CHSY1: variants seen among roughly 807,000 people sequenced by gnomAD.
The protein encoded by CHSY1 is N-acetylgalactosaminyl-proteoglycan 3-beta-glucuronosyltransferase 1.
In CHSY1, 13 loss-of-function variants were observed where a neutral mutation model predicts 59.8. The ratio of observed to expected loss-of-function variants is 0.22; its 90% confidence interval spans 0.14 to 0.35. The LOEUF (loss-of-function observed/expected upper bound fraction) is 0.35. Among genes scored for constraint, CHSY1 ranks in the 10% least tolerant of loss-of-function variants. The pLI is 1.00. For missense variants in CHSY1, 947 were observed against 1,030.6 expected, an observed-to-expected ratio of 0.92 and a Z score of 1.11; for synonymous variants, 459 against 401.2, an observed-to-expected ratio of 1.14 and a Z score of -1.72.
intron 2 of CHSY1, among the ~76,000 whole-genome samples, chr15:101,200,390 G>A (rs2038561143): frequency 6.6e-6 from 1 of 152,182 alleles, no homozygotes; most frequent in South Asian, 2.1e-4. Context: ...GCTTCTCACA[G>A]GCTGTGTCCT....
In CHSY1 at chr15:101,177,468, G is replaced by A; in HGVS notation, c.2329C>T (p.Leu777=). 1 of 1,613,220 alleles carries A rather than the reference G, an allele frequency of 6.2e-7. No individual in the cohort carries two copies. Among genetic ancestry groups the A allele is most frequent in the African/African-American group, 1.3e-5 (1 of 74,996 alleles). ...TTTTTTTCCAGCCACATCTCAGCCA[G>A]CTGCTGGGTGGACCCATAGGTCGAT... ...KASTYGSTQQ[L]AEMWLEKNDP... Residue 777 remains leucine, a synonymous_variant, in exon 3 of 3, where the codon CTG becomes TTG. Coordinates refer to ENST00000254190, the MANE Select transcript of CHSY1 (RefSeq NM_014918.5).
At chr15:101,180,498 G>C (rs1172494805) in intron 2 of CHSY1, among the ~76,000 whole-genome samples, 1 of 152,158 alleles carries the variant, frequency 6.6e-6, no homozygotes, top group Non-Finnish European at 1.5e-5. Flanking sequence ...AGGAAGCAGG[G>C]CCTCCCTAGG....
Position 101,177,419 on chromosome 15 carries a change from C to T in CHSY1, c.2378G>A (p.Ser793Asn). 1 of 1,613,316 alleles carries T rather than the reference C, an allele frequency of 6.2e-7. No individual in the cohort carries two copies. The highest frequency in any genetic ancestry group is 8.5e-7 in the Non-Finnish European group (1 of 1,179,748). The change falls in exon 3 of 3, where the codon AGC becomes AAC. Residue 793 changes from serine (S) to asparagine (N), a missense_variant. Physicochemically the swap from Ser to Asn is conservative, Grantham distance 46 (BLOSUM62 1). Transcript: ENST00000254190. The part of the protein sequence containing the change: ...EKNDPSYSKS[S>N]NNNGSVRTA ...TGTCCTCACTGAGCCATTATTATTG[C>T]TGCTTTTACTGTAACTTGGATCATT...
chr15:101,251,623 C>G lies in CHSY1; in HGVS notation c.-167G>C, dbSNP rs1053883048. 4.8e-5 allele frequency: 7 copies of G among 146,136 alleles called. No individual in the cohort carries two copies. Among genetic ancestry groups the G allele is most frequent in the Non-Finnish European group, 6.1e-5 (4 of 65,918 alleles). 9.1% of individuals were successfully genotyped at this position (146,136 alleles called of 1,614,324 possible). On this transcript the variant is annotated 5_prime_UTR_variant, in exon 1 of 3. Coordinates refer to ENST00000254190, the MANE Select transcript of CHSY1 (RefSeq NM_014918.5). Reference sequence around the variant, plus strand: ...CCCATCGCGGCCCCCGAGCCGCCCGCAGGCCCCGCGCCGGCGCTTTGTTCC... The same window carrying G: ...CCCATCGCGGCCCCCGAGCCGCCCGGAGGCCCCGCGCCGGCGCTTTGTTCC...
At position 101,178,447 on chromosome 15, in the gene CHSY1, G is replaced by C. The variant is rs2038227843; in HGVS notation, c.1350C>G (p.Asp450Glu). Residue 450 changes from aspartate (D) to glutamate (E), a missense_variant, in exon 3 of 3, where the codon GAC (aspartate) becomes GAG (glutamate). By Grantham distance (45) the Asp-to-Glu change is conservative. This residue lies in a region of CHSY1 where 602 missense variants were observed against 676.9 expected (regional missense o/e 0.89). Transcript: ENST00000254190. ...TGTGCTTTTTGTACAGAAGCAGCAG[G>C]TCCAGGATGTACTCAGCCCCATACA... is the stretch of plus-strand genomic sequence containing the variant. Reference protein sequence around the residue: ...NPMYGAEYILDLLLLYKKHKG... With the variant: ...NPMYGAEYILELLLLYKKHKG... The C allele has an allele frequency of 6.2e-7, 1 of 1,614,088 alleles. No homozygotes were observed. The highest frequency in any genetic ancestry group is 8.5e-7 in the Non-Finnish European group (1 of 1,180,038).
chr15:101,180,734 C>T (rs998597429), intron 2 of CHSY1, among the ~76,000 whole-genome samples: 5 of 152,198 alleles, frequency 3.3e-5, no homozygotes, highest in Admixed American at 2.6e-4. Context: ...CCCTGATGGG[C>T]GGGCCAGATA....
chr15:101,178,498 C>G lies in CHSY1; in HGVS notation c.1299G>C (p.Gln433His). 1.2e-6 allele frequency: 2 copies of G among 1,614,246 alleles called. No individual in the cohort carries two copies. Among genetic ancestry groups the G allele is most frequent in the Middle Eastern group, 1.6e-4 (1 of 6,062 alleles). ...RGRIIDFKEI[Q>H]YGYRRVNPMY... is the part of the protein sequence containing the mutation. ...TGGGGTTCACCCGGCGGTAGCCGTA[C>G]TGGATCTCTTTGAAGTCAATGATGC... The change falls in exon 3 of 3, where the codon CAG (glutamine) becomes CAC (histidine). Residue 433 changes from glutamine to histidine, a missense_variant. Around this residue, in one of 4 missense-constraint regions of CHSY1, gnomAD observed 602 missense variants for 676.9 expected, o/e 0.89. Coordinates refer to ENST00000254190, the MANE Select transcript of CHSY1 (RefSeq NM_014918.5).
rs145660234 is a variant in CHSY1, at chr15:101,235,142, G to A, written c.756C>T (p.Asp252=). 2.8e-5 allele frequency: 45 copies of A among 1,613,982 alleles called. No homozygotes were observed. The highest frequency in any genetic ancestry group is 3.6e-5 in the Non-Finnish European group (42 of 1,180,004). ...TCCGGACACACCTTCCCACCTCCAC[G>A]TCCTCATGGGTGGTGTACATCTCCC... The part of the protein sequence containing the change: ...CLREMYTTHE[D]VEVGRCVRRF... Residue 252 remains aspartate (D), a synonymous_variant, in exon 2 of 3, where the codon GAC becomes GAT. Transcript: ENST00000254190.
chr15:101,210,602 C>A (rs1388685696), intron 2 of CHSY1, among the ~76,000 whole-genome samples: 1 of 152,160 alleles, frequency 6.6e-6, no homozygotes, highest in East Asian at 1.9e-4. Context: ...AGAACTGCAT[C>A]TTAAGAGCAG....
chr15:101,178,903 G>T lies in CHSY1; in HGVS notation c.894C>A (p.His298Gln). The T allele has an allele frequency of 6.2e-7, 1 of 1,614,084 alleles. No homozygotes were observed. Among genetic ancestry groups the T allele is most frequent in the Admixed American group, 1.7e-5 (1 of 60,020 alleles). Residue 298 changes from histidine to glutamine, a missense_variant, in exon 3 of 3, where the codon CAC becomes CAA. By Grantham distance (24) the His-to-Gln change is conservative. This residue lies in a region of CHSY1 where 602 missense variants were observed against 676.9 expected (regional missense o/e 0.89). Coordinates refer to ENST00000254190, the MANE Select transcript of CHSY1 (RefSeq NM_014918.5). The part of the protein sequence containing the change: ...YIRDLHNSKI[H>Q]QAITLHPNKN... Reference sequence around the variant, plus strand: ...TGTTGGGGTGTAATGTGATAGCTTGGTGAATTTTACTGTTATGGAGATCTC... The same window carrying T: ...TGTTGGGGTGTAATGTGATAGCTTGTTGAATTTTACTGTTATGGAGATCTC...
chr15:101,179,060 T>G, intron 2 of CHSY1, 80 bp from the exon 3 acceptor site: 1 of 1,390,334 alleles, frequency 7.2e-7, no homozygotes, highest in South Asian at 1.2e-5. Flanking sequence ...AATGCAAATA[T>G]TAGAAATGTT....
chr15:101,197,790 T>C (rs993120117), intron 2 of CHSY1, among the ~76,000 whole-genome samples: 1 of 152,212 alleles, frequency 6.6e-6, no homozygotes, highest in African/African-American at 2.4e-5. Flanking sequence ...GAATCTCAAA[T>C]TAGGAGCTTT....
At chr15:101,211,093 G>GACACCC (rs1262716771) in intron 2 of CHSY1, among the ~76,000 whole-genome samples, 1 of 152,234 alleles carries the variant, frequency 6.6e-6, no homozygotes, top group Non-Finnish European at 1.5e-5. Flanking sequence ...GGAGGCTGAG[G>GACACCC]AGGGTGGATC....
At position 101,231,561 on chromosome 15, in the gene CHSY1, T is replaced by C. The variant is rs142552292; in HGVS notation, c.816+3521A>G. ...GCTGTCAAATCCACCTTTGCCTATC[T>C]CCAAATTTCATCAATAATCATTACT... On this transcript the variant is annotated intron_variant, in intron 2 of 2. Transcript: ENST00000254190. Among the ~76,000 whole-genome samples the C allele has an allele frequency of 1.3e-4, 20 of 152,278 alleles. No homozygotes were observed. In the East Asian group the frequency reaches 2.9e-3, roughly 22 times the overall value.
chr15:101,244,933 G>C (rs1479790914), intron 1 of CHSY1, among the ~76,000 whole-genome samples: 3 of 152,082 alleles, frequency 2.0e-5, no homozygotes, highest in Non-Finnish European at 4.4e-5. Context: ...AAATTCCTTT[G>C]GAAAAAATTC....
intron 2 of CHSY1, among the ~76,000 whole-genome samples, chr15:101,194,283 A>T (rs957943456): frequency 1.3e-5 from 2 of 152,250 alleles, no homozygotes; most frequent in African/African-American, 4.8e-5. Flanking sequence ...CATTGGAGGT[A>T]AACCTGTCTC....
chr15:101,220,745 C>T (rs80343728), intron 2 of CHSY1, among the ~76,000 whole-genome samples: 3,149 of 152,330 alleles, frequency 0.021, 111 homozygotes, highest in African/African-American at 0.072. Flanking sequence ...CAGGACGCTG[C>T]CCCTCTCACT....
intron 2 of CHSY1, among the ~76,000 whole-genome samples, chr15:101,216,551 G>C (rs1218855774): frequency 6.6e-6 from 1 of 152,252 alleles, no homozygotes; most frequent in Non-Finnish European, 1.5e-5. Flanking sequence ...GATTAAAAGA[G>C]AAGTGAGCCA....
Position 101,176,366 on chromosome 15 carries a change from G to T in CHSY1, c.*1022C>A. 1 of 398,568 alleles carries T rather than the reference G, an allele frequency of 2.5e-6. No individual in the cohort carries two copies. Among genetic ancestry groups the T allele is most frequent in the Non-Finnish European group, 4.4e-6 (1 of 226,052 alleles). The allele number at this position is 398,568 out of a possible 1,614,324, so 24.7% of individuals were successfully genotyped here. On this transcript the variant is annotated 3_prime_UTR_variant, in exon 3 of 3. Coordinates refer to ENST00000254190, the MANE Select transcript of CHSY1 (RefSeq NM_014918.5). ...ATTTTTCCCCAACGTTTTGATTAGG[G>T]TGTATGTGTGTATGTTTCAGTCTGT...
Sources: gnomAD v4.1 joint callset for allele counts (sites outside exome capture counted in the v4.1 genomes callset) on GRCh38, gnomAD v4.1.1 for gene constraint, gnomAD v4.1.1 regional missense constraint, MANE v1.5 for transcripts, NCBI Gene and HGNC (gene_info 2026-07-23, HGNC 2026-07-21) for gene names.